The following PDE4D variants were observed in gnomAD, a reference collection of about 807,000 sequenced individuals.
PDE4D encodes 3',5'-cyclic-AMP phosphodiesterase 4D.
In PDE4D, 24 loss-of-function variants were observed where a neutral mutation model predicts 87.4. The observed-to-expected ratio is 0.27, with a 90% CI of 0.20 to 0.39. The LOEUF (loss-of-function observed/expected upper bound fraction) is 0.39. Among genes scored for constraint, PDE4D ranks in the 10% least tolerant of loss-of-function variants. PDE4D has a pLI of 1.00. For synonymous variants in PDE4D, 384 were observed against 383.2 expected (o/e 1.00, Z -0.02); for missense variants, 714 against 1,041.0 (o/e 0.69, Z 4.32).
At chr5:59,820,689 CA>C (rs910577018) in intron 1 of PDE4D, among the ~76,000 whole-genome samples, 4 of 151,974 alleles carry the variant, frequency 2.6e-5, no homozygotes, top group Admixed American at 2.0e-4. Flanking sequence ...AGTTGTTTTG[CA>C]AAAAAATGAA....
At chr5:59,425,500 C>A (rs1033988535) in intron 1 of PDE4D, among the ~76,000 whole-genome samples, 1 of 152,128 alleles carries the variant, frequency 6.6e-6, no homozygotes, top group Non-Finnish European at 1.5e-5. Flanking sequence ...TGCCAAATGT[C>A]CCCTGCATGA....
At position 59,169,723 on chromosome 5, in the gene PDE4D, G is replaced by T. The variant is rs114783059; in HGVS notation, c.808+10872C>A. Reference sequence around the variant, plus strand: ...TCCAACAAGCTATCATCAACTCAATGACAACACTGTACACAGGCAGCCCTC... The same window carrying T: ...TCCAACAAGCTATCATCAACTCAATTACAACACTGTACACAGGCAGCCCTC... On this transcript the variant is annotated intron_variant, in intron 5 of 14. Coordinates refer to ENST00000340635, the MANE Select transcript of PDE4D (RefSeq NM_001104631.2). Among the ~76,000 whole-genome samples, 527 of 152,244 alleles carry T rather than the reference G, an allele frequency of 3.5e-3. 1 individual carries two copies. Among genetic ancestry groups the T allele is most frequent in the African/African-American group, 0.012 (507 of 41,540 alleles).
chr5:59,629,378 C>T (rs141923273), intron 1 of PDE4D, among the ~76,000 whole-genome samples: 1 of 151,908 alleles, frequency 6.6e-6, no homozygotes, highest in Non-Finnish European at 1.5e-5. Context: ...GACTGGTGTC[C>T]TTGTAATAAA....
chr5:59,444,767 G>A (rs1356567545), intron 1 of PDE4D, among the ~76,000 whole-genome samples: 3 of 152,020 alleles, frequency 2.0e-5, no homozygotes, highest in Admixed American at 6.6e-5. Flanking sequence ...AGCCGAGATC[G>A]CCCCACTGCA....
intron 11 of PDE4D, among the ~76,000 whole-genome samples, chr5:58,981,372 T>C (rs1023756355): frequency 8.6e-5 from 13 of 151,980 alleles, no homozygotes; most frequent in Non-Finnish European, 1.6e-4. Context: ...AGTAAAGTTT[T>C]TGAGTAATGT....
At chr5:60,026,178 C>G (rs888551799) in intron 2 of PDE4D, among the ~76,000 whole-genome samples, 3 of 152,154 alleles carry the variant, frequency 2.0e-5, no homozygotes, top group African/African-American at 7.2e-5. Context: ...ACAAAGATCA[C>G]TATTCATATT....
chr5:59,528,968 G>T, intron 1 of PDE4D: 3 of 449,214 alleles, frequency 6.7e-6, no homozygotes, highest in South Asian at 4.8e-5. Context: ...CAAGCTGAAC[G>T]GTTGGCCATA....
At chr5:59,239,126 T>A (rs1362166828) in intron 1 of PDE4D, among the ~76,000 whole-genome samples, 2 of 152,232 alleles carry the variant, frequency 1.3e-5, no homozygotes, top group Non-Finnish European at 2.9e-5. Context: ...TTTTGAAGGC[T>A]CAGCATTTAA....
chr5:60,445,617 A>T (rs958505856), intron 1 of PDE4D, among the ~76,000 whole-genome samples: 22 of 152,124 alleles, frequency 1.4e-4, no homozygotes, highest in African/African-American at 5.3e-4. Context: ...AACATCAAAG[A>T]CTCAACCACT....
chr5:59,627,612 C>A (rs1196424130), intron 1 of PDE4D, among the ~76,000 whole-genome samples: 1 of 152,158 alleles, frequency 6.6e-6, no homozygotes, highest in African/African-American at 2.4e-5. Context: ...GATTCAGTAA[C>A]ACATTGGAGT....
chr5:59,597,943 A>G (rs295980), intron 1 of PDE4D, among the ~76,000 whole-genome samples: 131,730 of 152,082 alleles, frequency 0.87, 57,097 homozygotes, highest in South Asian at 0.93. Context: ...TAACTCGCCT[A>G]CCTCTCTCTA....
chr5:60,239,395 T>C (rs935502243), intron 1 of PDE4D, among the ~76,000 whole-genome samples: 2 of 152,128 alleles, frequency 1.3e-5, no homozygotes, highest in African/African-American at 4.8e-5. Flanking sequence ...CAAAATTGTG[T>C]TGGTTATGAC....
At chr5:60,354,948 G>T (rs1320216586) in intron 1 of PDE4D, among the ~76,000 whole-genome samples, 1 of 152,150 alleles carries the variant, frequency 6.6e-6, no homozygotes, top group Non-Finnish European at 1.5e-5. Flanking sequence ...CATGTGAGAA[G>T]GCAGTGCTGG....
At chr5:60,060,661 C>G (rs1341496892) in intron 2 of PDE4D, among the ~76,000 whole-genome samples, 1 of 151,986 alleles carries the variant, frequency 6.6e-6, no homozygotes, top group Non-Finnish European at 1.5e-5. Context: ...AGTGAACCAC[C>G]ATCTCCTCTT....
At chr5:59,876,558 T>C (rs576288325) in intron 1 of PDE4D, among the ~76,000 whole-genome samples, 13 of 152,294 alleles carry the variant, frequency 8.5e-5, no homozygotes, top group African/African-American at 3.1e-4. Context: ...CTGCTCTAAG[T>C]TATGACTCTA....
intron 1 of PDE4D, among the ~76,000 whole-genome samples, chr5:60,192,459 G>C (rs575071455): frequency 6.1e-4 from 93 of 152,182 alleles, no homozygotes; most frequent in African/African-American, 1.8e-3. Context: ...AAAGTGCTTT[G>C]TATGCAGAAA....
chr5:59,730,967 C>G (rs995251967), intron 1 of PDE4D, among the ~76,000 whole-genome samples: 2 of 152,090 alleles, frequency 1.3e-5, no homozygotes. Flanking sequence ...ATCTCACCAA[C>G]TAATTGCTTT....
intron 1 of PDE4D, among the ~76,000 whole-genome samples, chr5:59,650,359 T>C (rs1743247767): frequency 6.6e-6 from 1 of 152,174 alleles, no homozygotes; most frequent in African/African-American, 2.4e-5. Flanking sequence ...ATTCTGTTGA[T>C]TGATGCAAAT....
intron 5 of PDE4D, among the ~76,000 whole-genome samples, chr5:59,150,270 A>G (rs1306073389): frequency 2.0e-5 from 3 of 152,188 alleles, no homozygotes; most frequent in African/African-American, 7.2e-5. Flanking sequence ...ACAATGGAAG[A>G]AATGGCTTCT....
Sources: allele counts gnomAD v4.1 joint callset (sites outside exome capture counted in the v4.1 genomes callset), GRCh38; gene constraint gnomAD v4.1.1; transcripts MANE v1.5; gene names NCBI Gene and HGNC (gene_info 2026-07-23, HGNC 2026-07-21).